Variants in MRRF observed in about 807,000 individuals in gnomAD.
The protein encoded by MRRF is mitochondrial ribosome recycling factor, also known as ribosome-recycling factor, mitochondrial.
Under a neutral mutation model 25.1 loss-of-function variants are expected in MRRF, and 18 were observed. The observed-to-expected ratio is 0.72, with a 90% confidence interval of 0.50 to 1.06. The LOEUF is 1.06. MRRF is among the 50% of genes least tolerant of loss of function. MRRF has a pLI of 0.00. For synonymous variants in MRRF, 113 were observed against 112.1 expected (o/e 1.01, Z -0.05); for missense variants, 323 against 319.3 (o/e 1.01, Z -0.09).
rs1343692424 is a variant in MRRF, at chr9:122,322,590, A to C, written c.762A>C (p.Ala254=). 6.2e-7 allele frequency: 1 copy of C among 1,614,070 alleles called. No individual in the cohort carries two copies. Among genetic ancestry groups the C allele is most frequent in the African/African-American group, 1.3e-5 (1 of 74,936 alleles). The change falls in exon 7 of 7, where the codon GCA becomes GCC. Residue 254 remains alanine (A), a synonymous_variant. Transcript: ENST00000344641. ...DTVAELDRHL[A]VKTKELLG ...TGGCAGAACTGGACAGGCATCTGGC[A>C]GTGAAGACCAAAGAACTCCTTGGAT... is the stretch of plus-strand genomic sequence containing the variant.
rs191076136 is a variant in MRRF at position 122,318,862 on chromosome 9, T to C, written c.712-3678T>C. ...TCATCCATAAAGTGGGAGCACAGGATTGATATGAGGACCAAATGAGGCTAC... is the reference window on the plus strand; with the variant it reads ...TCATCCATAAAGTGGGAGCACAGGACTGATATGAGGACCAAATGAGGCTAC... On this transcript the variant is annotated intron_variant, in intron 6 of 6. Coordinates refer to ENST00000344641, the MANE Select transcript of MRRF (RefSeq NM_138777.5). 3.3e-5 allele frequency among the ~76,000 whole-genome samples: 5 copies of C among 152,308 alleles called. No homozygotes were observed. In the East Asian group the frequency reaches 9.6e-4, roughly 29 times the overall value.
Position 122,310,183 on chromosome 9 carries a change from A to G in MRRF, c.552-3044A>G, listed in dbSNP as rs149948778. Among the ~76,000 whole-genome samples, 566 of 152,328 alleles carry G rather than the reference A, an allele frequency of 3.7e-3. 5 individuals are homozygous for G. Among genetic ancestry groups the G allele is most frequent in the African/African-American group, 0.013 (530 of 41,574 alleles). On this transcript the variant is annotated intron_variant, in intron 5 of 6. Coordinates refer to ENST00000344641, the MANE Select transcript of MRRF (RefSeq NM_138777.5). ...GAAGAGCAAGGCTCAGACGGTTTAA[A>G]TAACTTGCATAGGGTCACTCAGCTT...
chr9:122,314,267 A>G (rs1275249973), intron 6 of MRRF, among the ~76,000 whole-genome samples: 1 of 152,126 alleles, frequency 6.6e-6, no homozygotes, highest in Non-Finnish European at 1.5e-5. Context: ...AATCTGCTTT[A>G]TATCTCTCAA....
intron 2 of MRRF, among the ~76,000 whole-genome samples, chr9:122,278,794 C>T (rs1388001544): frequency 2.0e-5 from 3 of 152,028 alleles, no homozygotes; most frequent in African/African-American, 7.2e-5. Context: ...ATCTCTTTGT[C>T]CTTTGTTTTC....
intron 1 of MRRF, chr9:122,265,646 A>G: frequency 2.8e-6 from 2 of 709,748 alleles, no homozygotes; most frequent in South Asian, 1.4e-5. Flanking sequence ...TGACCCCTTC[A>G]TTTTATGGTT....
chr9:122,298,340 C>T lies in MRRF; in HGVS notation c.551+6500C>T, dbSNP rs74651637. Among the ~76,000 whole-genome samples, 791 of 152,254 alleles carry T rather than the reference C, an allele frequency of 5.2e-3. 5 individuals are homozygous for T. Among genetic ancestry groups the T allele is most frequent in the African/African-American group, 0.019 (769 of 41,532 alleles). On this transcript the variant is annotated intron_variant, in intron 5 of 6. Transcript: ENST00000344641. The stretch of plus-strand genomic sequence containing the variant: ...TGAACTTGTCTGCCACTTTTTGGTT[C>T]AAGAGGCAGTCTGGAATACAGGGTA...
intron 6 of MRRF, among the ~76,000 whole-genome samples, chr9:122,319,835 G>C (rs751348110): frequency 6.6e-6 from 1 of 150,624 alleles, no homozygotes; most frequent in Non-Finnish European, 1.5e-5. Context: ...AACACCTTAT[G>C]CTTGTACTAT....
At chr9:122,270,275 A>G (rs1300359294) in intron 1 of MRRF, among the ~76,000 whole-genome samples, 1 of 152,230 alleles carries the variant, frequency 6.6e-6, no homozygotes, top group Non-Finnish European at 1.5e-5. Flanking sequence ...TTAACACAGG[A>G]GAGGGTGGCA....
chr9:122,277,091 A>G (rs1391607532), intron 2 of MRRF, among the ~76,000 whole-genome samples: 2 of 152,194 alleles, frequency 1.3e-5, no homozygotes, highest in Admixed American at 1.3e-4. Flanking sequence ...AACTGCTGGG[A>G]TCAAGCAATC....
chr9:122,294,671 G>A (rs1400616116), intron 5 of MRRF, among the ~76,000 whole-genome samples: 1 of 152,196 alleles, frequency 6.6e-6, no homozygotes, highest in African/African-American at 2.4e-5. Context: ...TAAGTAAGAG[G>A]ATCGAGGTTT....
intron 1 of MRRF, chr9:122,265,743 A>T: frequency 1.6e-6 from 2 of 1,288,742 alleles, no homozygotes; most frequent in Middle Eastern, 2.1e-4. Context: ...AATACGTGTG[A>T]TTATGAATCT....
intron 6 of MRRF, among the ~76,000 whole-genome samples, chr9:122,319,842 C>G (rs1163992006): frequency 6.7e-6 from 1 of 148,980 alleles, no homozygotes; most frequent in Non-Finnish European, 1.5e-5. Context: ...TATGCTTGTA[C>G]TATGGTAAAA....
intron 5 of MRRF, among the ~76,000 whole-genome samples, chr9:122,292,690 C>T (rs1057115033): frequency 3.9e-5 from 6 of 152,030 alleles, no homozygotes; most frequent in Admixed American, 3.9e-4. Flanking sequence ...AGGATTTAAG[C>T]AGGGGAATGA....
chr9:122,270,839 C>G (rs927886615), intron 1 of MRRF, 25 bp from the exon 2 acceptor site: 7 of 1,585,844 alleles, frequency 4.4e-6, no homozygotes, highest in Non-Finnish European at 6.1e-6. Context: ...TTACTTAGAT[C>G]TGCTTTTTGT....
At chr9:122,311,606 C>T (rs1835210419) in intron 5 of MRRF, among the ~76,000 whole-genome samples, 1 of 151,962 alleles carries the variant, frequency 6.6e-6, no homozygotes, top group South Asian at 2.1e-4. Context: ...TTTTTTGAGT[C>T]TCATTTTATA....
intron 1 of MRRF, among the ~76,000 whole-genome samples, chr9:122,267,227 A>G (rs1422593539): frequency 6.6e-6 from 1 of 151,894 alleles, no homozygotes; most frequent in Admixed American, 6.6e-5. Context: ...TAAAATATAT[A>G]AAAGTTAACT....
chr9:122,324,789 G>A lies in MRRF; in HGVS notation c.*2172G>A, dbSNP rs1836075730. 6.6e-6 allele frequency: 1 copy of A among 152,156 alleles called. No homozygotes were observed. The highest frequency in any genetic ancestry group is 1.5e-5 in the Non-Finnish European group (1 of 68,044). 9.4% of individuals were successfully genotyped at this position (152,156 alleles called of 1,614,324 possible). ...TTGCACTTCCCTCTTTACTTACACT[G>A]GTGAAACATGCAGTGAGGATTCAAG... On this transcript the variant is annotated 3_prime_UTR_variant, in exon 7 of 7. Coordinates refer to ENST00000344641, the MANE Select transcript of MRRF (RefSeq NM_138777.5).
At chr9:122,285,765 GTTTT>G (rs771234691) in intron 4 of MRRF, 2 of 977,908 alleles carry the variant, frequency 2.0e-6, no homozygotes, top group African/African-American at 3.5e-5. Context: ...GACTAATTGA[GTTTT>G]TTTTTTAAAG....
intron 1 of MRRF, chr9:122,265,468 C>T: frequency 3.1e-6 from 1 of 323,926 alleles, no homozygotes; most frequent in South Asian, 2.5e-5. Context: ...ACAGATGAGA[C>T]GGAAGTCCTG....
Sources: allele counts gnomAD v4.1 joint callset (sites outside exome capture counted in the v4.1 genomes callset), GRCh38; gene constraint gnomAD v4.1.1; transcripts MANE v1.5; gene names NCBI Gene and HGNC (gene_info 2026-07-23, HGNC 2026-07-21).